RBFOX1: variants seen among roughly 807,000 people sequenced by gnomAD.
RBFOX1 encodes RNA binding fox-1 homolog 1, also known as RNA binding protein fox-1 homolog 1.
In RBFOX1, 8 loss-of-function variants were observed where a neutral mutation model predicts 57.7. The observed-to-expected ratio is 0.14, with a 90% CI of 0.08 to 0.25. The LOEUF is 0.25. Ranked by LOEUF, RBFOX1 falls within the 10% of genes least tolerant of loss-of-function variation. The pLI is 1.00. For missense variants in RBFOX1, 611 were observed against 548.5 expected, an observed-to-expected ratio of 1.11 and a Z score of -1.14; for synonymous variants, 326 against 222.4, an observed-to-expected ratio of 1.47 and a Z score of -4.15.
intron 3 of RBFOX1, among the ~76,000 whole-genome samples, chr16:5,683,416 G>T (rs1463867677): frequency 2.0e-5 from 3 of 152,090 alleles, no homozygotes; most frequent in East Asian, 3.8e-4. Context: ...TTAGTCCTGG[G>T]TGTGTCTCTG....
intron 3 of RBFOX1, among the ~76,000 whole-genome samples, chr16:6,998,724 C>T (rs1376106616): frequency 6.6e-6 from 1 of 152,030 alleles, no homozygotes; most frequent in African/African-American, 2.4e-5. Flanking sequence ...TTGTCTTGTA[C>T]AGAAAACTTA....
intron 2 of RBFOX1, among the ~76,000 whole-genome samples, chr16:5,567,465 G>A (rs1236354345): frequency 6.6e-6 from 1 of 152,058 alleles, no homozygotes; most frequent in East Asian, 1.9e-4. Context: ...TACAGACTGG[G>A]AAGCATGAAG....
At chr16:7,236,837 G>T (rs2093792050) in intron 4 of RBFOX1, among the ~76,000 whole-genome samples, 1 of 152,158 alleles carries the variant, frequency 6.6e-6, no homozygotes, top group Non-Finnish European at 1.5e-5. Context: ...CCTCAGCAAA[G>T]ACTAGGTTCA....
At chr16:6,521,081 G>A (rs915431232) in intron 2 of RBFOX1, among the ~76,000 whole-genome samples, 27 of 152,132 alleles carry the variant, frequency 1.8e-4, no homozygotes, top group African/African-American at 6.3e-4. Context: ...CACAGGAATA[G>A]CGGCTGACGA....
chr16:7,240,650 GC>G (rs1192974916), intron 4 of RBFOX1, among the ~76,000 whole-genome samples: 1 of 152,062 alleles, frequency 6.6e-6, no homozygotes, highest in Non-Finnish European at 1.5e-5. Context: ...GACCTTCTGG[GC>G]TCAAGTGATC....
chr16:5,849,826 C>A (rs1368238929), intron 3 of RBFOX1, among the ~76,000 whole-genome samples: 1 of 152,128 alleles, frequency 6.6e-6, no homozygotes, highest in Non-Finnish European at 1.5e-5. Context: ...TCATTTGTTC[C>A]CAAGAAGTAT....
At chr16:7,557,628 AAAAAAAAAAAAAAAGAAAAAG>A (rs1402889500) in intron 5 of RBFOX1, among the ~76,000 whole-genome samples, 12 of 119,016 alleles carry the variant, frequency 1.0e-4, no homozygotes, top group Non-Finnish European at 1.7e-4. Flanking sequence ...TCAAAAAAAA[AAAAAAAAAAAAAAAGAAAAAG>A]AAAAAAAAAA....
chr16:6,472,768 G>A lies in RBFOX1; in HGVS notation c.-64+155711G>A, dbSNP rs113883083. Among the ~76,000 whole-genome samples, 1,079 of 151,890 alleles carry A rather than the reference G, an allele frequency of 7.1e-3. 21 individuals carry two copies. The highest frequency in any genetic ancestry group is 0.024 in the African/African-American group (993 of 41,418). ...CTCCTGAGTAGTTGGGATTACAGGC[G>A]TGCGCCACCATGCCCAGCTGTTTTT... On this transcript the variant is annotated intron_variant, in intron 2 of 15. Coordinates refer to ENST00000550418, the MANE Select transcript of RBFOX1 (RefSeq NM_018723.4).
chr16:5,643,058 C>T (rs1268625658), intron 3 of RBFOX1, among the ~76,000 whole-genome samples: 3 of 152,196 alleles, frequency 2.0e-5, no homozygotes, highest in Non-Finnish European at 4.4e-5. Context: ...TATATTCTTG[C>T]TCCTCCAGAT....
At chr16:7,365,006 G>C (rs1163212466) in intron 4 of RBFOX1, among the ~76,000 whole-genome samples, 1 of 151,632 alleles carries the variant, frequency 6.6e-6, no homozygotes, top group Admixed American at 6.6e-5. Flanking sequence ...GAATCTATCT[G>C]TCTGTCTGTC....
At chr16:6,272,857 G>A (rs2075350589) in intron 1 of RBFOX1, among the ~76,000 whole-genome samples, 1 of 152,076 alleles carries the variant, frequency 6.6e-6, no homozygotes, top group Non-Finnish European at 1.5e-5. Context: ...TCAACATATG[G>A]TACTAGAGAA....
chr16:6,591,518 A>T lies in RBFOX1; in HGVS notation c.-63-63085A>T, dbSNP rs148835208. Among the ~76,000 whole-genome samples the T allele has an allele frequency of 1.2e-4, 18 of 152,290 alleles. No homozygotes were observed. The East Asian group carries it at 2.9e-3, about 25-fold the overall frequency. ...TTATACAGAGCCCTTTCTAAAAAGAACAGCAGGGCGACCCCTGCCTGAGTT... is the reference window on the plus strand; with the variant it reads ...TTATACAGAGCCCTTTCTAAAAAGATCAGCAGGGCGACCCCTGCCTGAGTT... On this transcript the variant is annotated intron_variant, in intron 2 of 15. Transcript: ENST00000550418.
chr16:6,102,045 C>T (rs888499569), intron 1 of RBFOX1, among the ~76,000 whole-genome samples: 7 of 152,236 alleles, frequency 4.6e-5, no homozygotes, highest in African/African-American at 1.7e-4. Flanking sequence ...GTGACTGTTG[C>T]ATTGGCTGCA....
At chr16:7,324,452 G>C (rs572163814) in intron 4 of RBFOX1, among the ~76,000 whole-genome samples, 190 of 152,246 alleles carry the variant, frequency 1.2e-3, no homozygotes, top group Non-Finnish European at 2.0e-3. Flanking sequence ...CCCCCCTTCT[G>C]AGAGGCCTCA....
At chr16:6,830,409 A>G (rs1366464204) in intron 3 of RBFOX1, among the ~76,000 whole-genome samples, 2 of 152,166 alleles carry the variant, frequency 1.3e-5, no homozygotes, top group East Asian at 1.9e-4. Flanking sequence ...GGAAGTAATA[A>G]TAGATCAATG....
intron 3 of RBFOX1, among the ~76,000 whole-genome samples, chr16:5,792,700 G>A (rs1484779125): frequency 3.9e-5 from 6 of 152,060 alleles, no homozygotes; most frequent in Admixed American, 1.3e-4. Context: ...AAAACTAGCC[G>A]GGCATGGTGG....
At chr16:6,299,078 C>T (rs771284475) in intron 1 of RBFOX1, among the ~76,000 whole-genome samples, 1 of 152,182 alleles carries the variant, frequency 6.6e-6, no homozygotes, top group Non-Finnish European at 1.5e-5. Context: ...CCAATTGCAA[C>T]CCACAGTCTT....
chr16:6,583,472 C>G (rs1340412062), intron 2 of RBFOX1, among the ~76,000 whole-genome samples: 3 of 152,228 alleles, frequency 2.0e-5, no homozygotes, highest in African/African-American at 7.2e-5. Flanking sequence ...TGTGGATGAA[C>G]AGTGCTTAGT....
intron 4 of RBFOX1, among the ~76,000 whole-genome samples, chr16:5,894,020 C>G (rs2058102445): frequency 6.6e-6 from 1 of 152,016 alleles, no homozygotes; most frequent in Non-Finnish European, 1.5e-5. Flanking sequence ...TGGGTCACCA[C>G]TAGGAGGAAG....
Sources: allele counts gnomAD v4.1 joint callset (sites outside exome capture counted in the v4.1 genomes callset), GRCh38; gene constraint gnomAD v4.1.1; transcripts MANE v1.5; gene names NCBI Gene and HGNC (gene_info 2026-07-23, HGNC 2026-07-21).